JAZF1: variants seen among roughly 807,000 people sequenced by gnomAD.
JAZF1 encodes the protein juxtaposed with another zinc finger protein 1.
Under a neutral mutation model 26.4 loss-of-function variants are expected in JAZF1, and 8 were observed. The ratio of observed to expected loss-of-function variants is 0.30; its 90% CI spans 0.18 to 0.55. The LOEUF (loss-of-function observed/expected upper bound fraction) is 0.55, where lower values mean the gene tolerates loss of function less well. Among genes scored for constraint, JAZF1 ranks in the 20% least tolerant of loss-of-function variants. The pLI, the probability that JAZF1 is intolerant of heterozygous loss-of-function variation, is 0.94. For missense variants in JAZF1, 199 were observed against 322.0 expected (o/e 0.62, Z 2.92); for synonymous variants, 126 against 122.3 (o/e 1.03, Z -0.20).
intron 2 of JAZF1, among the ~76,000 whole-genome samples, chr7:27,929,409 TCA>T (rs1784651240): frequency 6.6e-6 from 1 of 152,174 alleles, no homozygotes; most frequent in Non-Finnish European, 1.5e-5. Context: ...AGATCCAGGC[TCA>T]CAGAATGAAG....
At chr7:28,131,003 A>C (rs1053888175) in intron 1 of JAZF1, among the ~76,000 whole-genome samples, 5 of 152,126 alleles carry the variant, frequency 3.3e-5, no homozygotes, top group Non-Finnish European at 7.4e-5. Context: ...GTGAATAATA[A>C]TTTTCTGAGA....
intron 1 of JAZF1, among the ~76,000 whole-genome samples, chr7:28,082,026 A>G (rs1043999083): frequency 4.6e-5 from 7 of 152,286 alleles, no homozygotes; most frequent in East Asian, 1.9e-4. Flanking sequence ...CAACCTAAAA[A>G]TGCTACATTC....
At chr7:27,852,526 G>A (rs755755737) in intron 3 of JAZF1, among the ~76,000 whole-genome samples, 2 of 152,014 alleles carry the variant, frequency 1.3e-5, no homozygotes, top group African/African-American at 2.4e-5. Flanking sequence ...CAGGGCACAC[G>A]GCCATTCTCC....
chr7:28,076,683 T>C (rs927440371), intron 1 of JAZF1, among the ~76,000 whole-genome samples: 10 of 145,174 alleles, frequency 6.9e-5, no homozygotes, highest in Non-Finnish European at 3.0e-5. Context: ...CCGGTTTGCT[T>C]ACACAATTGC....
At position 27,831,070 on chromosome 7, in the gene JAZF1, G is replaced by A. The variant is rs915192751; in HGVS notation, c.*1730C>T. ...GCCTTCTTATGCACCAACTAGTTGCGTCTCATGTCTGGATCACCCTTTTAA... is the reference window on the plus strand; with the variant it reads ...GCCTTCTTATGCACCAACTAGTTGCATCTCATGTCTGGATCACCCTTTTAA... On this transcript the variant is annotated 3_prime_UTR_variant, in exon 5 of 5. Transcript: ENST00000283928. The A allele has an allele frequency of 2.7e-5, 6 of 222,222 alleles. No individual in the cohort carries two copies. Among genetic ancestry groups the A allele is most frequent in the Non-Finnish European group, 9.0e-6 (1 of 110,882 alleles). 13.8% of individuals were successfully genotyped at this position (222,222 alleles called of 1,614,324 possible).
chr7:27,959,783 C>G (rs1024513200), intron 2 of JAZF1, among the ~76,000 whole-genome samples: 1 of 151,982 alleles, frequency 6.6e-6, no homozygotes, highest in Non-Finnish European at 1.5e-5. Flanking sequence ...GCCTGTAATC[C>G]CAACTACTTG....
intron 1 of JAZF1, among the ~76,000 whole-genome samples, chr7:27,994,462 CAAA>C (rs58536495): frequency 1.2e-4 from 8 of 67,670 alleles, no homozygotes; most frequent in East Asian, 4.8e-4. Flanking sequence ...AAACAAAAAA[CAAA>C]AAAAAACACA....
chr7:28,008,231 A>AT (rs1034832859), intron 1 of JAZF1, among the ~76,000 whole-genome samples: 1 of 151,064 alleles, frequency 6.6e-6, no homozygotes, highest in Non-Finnish European at 1.5e-5. Flanking sequence ...AATTATTATT[A>AT]TTTTTTTTAG....
intron 2 of JAZF1, among the ~76,000 whole-genome samples, chr7:27,938,696 C>T (rs1444381297): frequency 3.3e-5 from 5 of 152,072 alleles, no homozygotes; most frequent in Admixed American, 6.5e-5. Flanking sequence ...TTTTGAGATA[C>T]GGTCTGGCTC....
intron 3 of JAZF1, among the ~76,000 whole-genome samples, chr7:27,886,804 T>C (rs1437221380): frequency 6.6e-6 from 1 of 152,202 alleles, no homozygotes; most frequent in Non-Finnish European, 1.5e-5. Flanking sequence ...CTCAGATAAA[T>C]GTTCATTGCA....
intron 3 of JAZF1, among the ~76,000 whole-genome samples, chr7:27,873,896 C>T (rs1045760755): frequency 2.6e-5 from 4 of 152,214 alleles, no homozygotes; most frequent in African/African-American, 9.6e-5. Flanking sequence ...GACTGAGACA[C>T]TCTGATGCAA....
Position 27,832,690 on chromosome 7 carries a change from T to TA in JAZF1, c.*109dup. 1.1e-6 allele frequency: 1 copy of TA among 871,726 alleles called. No individual in the cohort carries two copies. Among genetic ancestry groups the TA allele is most frequent in the Non-Finnish European group, 1.7e-6 (1 of 584,754 alleles). 54.0% of individuals were successfully genotyped at this position (871,726 alleles called of 1,614,324 possible). A position where few individuals can be genotyped will look rare whatever the true frequency, so the allele number is the denominator to read the frequency against. ...ACAGAAAAAATTTAAAGCATGCATTTAATTCTTTTTCTTTAAAGGGTTGCT... is the reference window on the plus strand; with the variant it reads ...ACAGAAAAAATTTAAAGCATGCATTTAAATTCTTTTTCTTTAAAGGGTTGCT... On this transcript the variant is annotated 3_prime_UTR_variant, in exon 5 of 5. Transcript: ENST00000283928.
chr7:27,835,467 G>A (rs1345870979), intron 4 of JAZF1, among the ~76,000 whole-genome samples: 2 of 152,176 alleles, frequency 1.3e-5, no homozygotes, highest in Non-Finnish European at 2.9e-5. Flanking sequence ...TCTGGCATGA[G>A]ACTGTGAAGA....
chr7:27,986,912 C>T (rs1019024027), intron 2 of JAZF1, among the ~76,000 whole-genome samples: 3 of 152,164 alleles, frequency 2.0e-5, no homozygotes, highest in Non-Finnish European at 4.4e-5. Flanking sequence ...CCGCCTGGGC[C>T]TCCCGAGGTG....
chr7:28,163,245 G>A (rs1783319495), intron 1 of JAZF1, among the ~76,000 whole-genome samples: 2 of 152,192 alleles, frequency 1.3e-5, no homozygotes, highest in Admixed American at 1.3e-4. Context: ...TCACACAGCA[G>A]TCCAACCAGA....
At position 28,174,821 on chromosome 7, in the gene JAZF1, G is replaced by GGTGTGTGTGTGTGTGTGT. The variant is rs58952216; in HGVS notation, c.115+5624_115+5641dup. ...CCTGATCCTGCCTATGGGGTGTGTG[G>GGTGTGTGTGTGTGTGTGT]GTGTGTGTGTGTGTGTGTGTGTGTG... is the stretch of plus-strand genomic sequence containing the variant. On this transcript the variant is annotated intron_variant, in intron 1 of 4. Transcript: ENST00000283928. Among the ~76,000 whole-genome samples, 859 of 107,778 alleles carry GGTGTGTGTGTGTGTGTGT rather than the reference G, an allele frequency of 8.0e-3. 64 individuals carry two copies. The highest frequency in any genetic ancestry group is 0.023 in the African/African-American group (820 of 35,858). The allele number at this position is 107,778 out of a possible 152,430, so 70.7% of individuals were successfully genotyped here.
At chr7:27,884,289 C>T (rs1562518153) in intron 3 of JAZF1, among the ~76,000 whole-genome samples, 1 of 152,206 alleles carries the variant, frequency 6.6e-6, no homozygotes, top group Non-Finnish European at 1.5e-5. Flanking sequence ...TGCCACCACA[C>T]CCAGCTAATT....
chr7:27,910,515 C>G (rs540737223), intron 2 of JAZF1, among the ~76,000 whole-genome samples: 1 of 152,336 alleles, frequency 6.6e-6, no homozygotes, highest in South Asian at 2.1e-4. Context: ...TGGGCATCAG[C>G]TGGCTCCCAG....
At chr7:27,880,495 C>T (rs1035699945) in intron 3 of JAZF1, among the ~76,000 whole-genome samples, 12 of 151,988 alleles carry the variant, frequency 7.9e-5, no homozygotes, top group South Asian at 2.1e-4. Flanking sequence ...TAGCCAGGCG[C>T]GGTGGCGGGT....
Sources: gnomAD v4.1 joint callset for allele counts (sites outside exome capture counted in the v4.1 genomes callset) on GRCh38, gnomAD v4.1.1 for gene constraint, MANE v1.5 for transcripts, NCBI Gene and HGNC (gene_info 2026-07-23, HGNC 2026-07-21) for gene names.